RNF212: variants seen among roughly 807,000 people sequenced by gnomAD.
RNF212 encodes probable E3 SUMO-protein ligase RNF212.
RNF212 carries 33 observed loss-of-function variants against 34.7 expected under a neutral mutation model. The ratio of observed to expected loss-of-function variants is 0.95; its 90% CI spans 0.72 to 1.27. The LOEUF (loss-of-function observed/expected upper bound fraction) is 1.27, where lower values mean the gene tolerates loss of function less well. Ranked by LOEUF, RNF212 falls within the 50% of genes most tolerant of loss-of-function variation. The pLI, the probability that RNF212 is intolerant of heterozygous loss-of-function variation, is 0.00. For missense variants in RNF212, 377 were observed against 362.2 expected, an observed-to-expected ratio of 1.04 and a Z score of -0.33; for synonymous variants, 140 against 136.1, an observed-to-expected ratio of 1.03 and a Z score of -0.20.
intron 4 of RNF212, among the ~76,000 whole-genome samples, chr4:1,090,140 C>G (rs1272050075): frequency 8.0e-6 from 1 of 124,520 alleles, no homozygotes; most frequent in African/African-American, 3.2e-5. Context: ...GATGGGGTAC[C>G]AAGATAAGGT....
rs1287577954 is a variant in RNF212 at position 1,096,748 on chromosome 4, C to T, written c.246+17G>A. The stretch of plus-strand genomic sequence containing the variant: ...CCTGGCTCATCACGGAACCAAGCCA[C>T]ACCCCTCACAGCTCACCTGGGAGGT... On this transcript the variant is annotated intron_variant, in intron 3 of 9. Coordinates refer to ENST00000433731, the MANE Select transcript of RNF212 (RefSeq NM_001131034.4). 6.2e-7 allele frequency: 1 copy of T among 1,602,156 alleles called. No homozygotes were observed. The highest frequency in any genetic ancestry group is 1.7e-5 in the Admixed American group (1 of 60,016).
At chr4:1,112,829 T>C (rs1577861038) in intron 1 of RNF212, among the ~76,000 whole-genome samples, 1 of 73,522 alleles carries the variant, frequency 1.4e-5, no homozygotes, top group East Asian at 5.1e-4. Flanking sequence ...CCCCCAAGCC[T>C]TGACCCCCCA....
chr4:1,073,722 G>C, intron 8 of RNF212, 60 bp from the exon 9 acceptor site: 1 of 1,086,772 alleles, frequency 9.2e-7, no homozygotes, highest in Non-Finnish European at 1.4e-6. Context: ...ACGAGATTCG[G>C]ACTCCCACTG....
chr4:1,090,163 T>G (rs1577730533), intron 4 of RNF212, among the ~76,000 whole-genome samples: 8 of 117,394 alleles, frequency 6.8e-5, no homozygotes, highest in South Asian at 2.8e-4. Context: ...CAGGATGGGG[T>G]GAGGGGAGAG....
At position 1,081,631 on chromosome 4, in the gene RNF212, G is replaced by A. The variant is rs747914881; in HGVS notation, c.363-12C>T. 6.3e-7 allele frequency: 1 copy of A among 1,589,176 alleles called. No individual in the cohort carries two copies. Among genetic ancestry groups the A allele is most frequent in the Non-Finnish European group, 8.6e-7 (1 of 1,157,656 alleles). On this transcript the variant is annotated splice_polypyrimidine_tract_variant and intron_variant, in intron 5 of 9. Transcript: ENST00000433731. ...GTGATGATCTCATACTAAATAGATG[G>A]AGAAAAGGTATTGAATTAAATCATA...
intron 8 of RNF212, among the ~76,000 whole-genome samples, chr4:1,077,651 T>C (rs1719540641): frequency 6.6e-6 from 1 of 152,216 alleles, no homozygotes; most frequent in African/African-American, 2.4e-5. Context: ...TTGGAGGCTG[T>C]GAGTTCATCC....
chr4:1,068,505 T>C (rs1212689940), downstream of RNF212, among the ~76,000 whole-genome samples: 3 of 152,270 alleles, frequency 2.0e-5, no homozygotes, highest in Non-Finnish European at 4.4e-5. Context: ...TCTTCCTTTG[T>C]GCTTATTATC....
chr4:1,077,131 G>A (rs559218113), intron 8 of RNF212, among the ~76,000 whole-genome samples: 1 of 152,204 alleles, frequency 6.6e-6, no homozygotes, highest in Non-Finnish European at 1.5e-5. Context: ...GGGAGGCTGA[G>A]GCAGGAGAAT....
chr4:1,066,752 T>A (rs968374457), downstream of RNF212, among the ~76,000 whole-genome samples: 3 of 152,218 alleles, frequency 2.0e-5, no homozygotes, highest in African/African-American at 7.2e-5. Context: ...GCAAGTTGCC[T>A]TTTTACTCTA....
At chr4:1,101,374 T>C (rs930705896) in intron 2 of RNF212, 21 of 194,608 alleles carry the variant, frequency 1.1e-4, no homozygotes, top group African/African-American at 4.9e-4. Context: ...GAACTTTTCT[T>C]CTCTTTCTAA....
At chr4:1,059,536 A>G (rs1717600456) in intron 3 of RNF212, among the ~76,000 whole-genome samples, 1 of 53,788 alleles carries the variant, frequency 1.9e-5, no homozygotes, top group Non-Finnish European at 3.9e-5. Context: ...GCCAACCCCA[A>G]GCCTGGGCGG....
chr4:1,065,442 G>T lies in RNF212; in HGVS notation n.148-7049C>A, dbSNP rs997347346. Among the ~76,000 whole-genome samples the T allele has an allele frequency of 2.5e-4, 38 of 152,302 alleles. 2 individuals carry two copies. The highest frequency in any genetic ancestry group is 1.2e-4 in the Non-Finnish European group (8 of 68,020). On this transcript the variant is annotated intron_variant and non_coding_transcript_variant, in intron 3 of 4. Coordinates refer to the RNF212 transcript ENST00000503206. ...CTGCATCCACAGACTTCAACTATGT[G>T]ATTACTTCTTTGTCCATTCTCCTCT...
intron 4 of RNF212, among the ~76,000 whole-genome samples, chr4:1,090,298 A>G (rs926743918): frequency 6.6e-6 from 1 of 152,090 alleles, no homozygotes; most frequent in Non-Finnish European, 1.5e-5. Flanking sequence ...TGTACACAGA[A>G]TGTTCATGGA....
rs574429035 is a variant in RNF212, at chr4:1,099,822, G to A, written c.172-2983C>T. On this transcript the variant is annotated intron_variant, in intron 2 of 9. Coordinates refer to ENST00000433731, the MANE Select transcript of RNF212 (RefSeq NM_001131034.4). ...AGCAATCGAGTCCACAAGGTCCGAC[G>A]GCGCAAGCGGACACGGGTACCCCTG... The A allele has an allele frequency of 2.8e-5, 13 of 456,234 alleles. No individual in the cohort carries two copies. The East Asian group carries it at 7.6e-4, about 27-fold the overall frequency. The allele number at this position is 456,234 out of a possible 1,614,324, so 28.3% of individuals were successfully genotyped here.
chr4:1,072,759 G>C lies in RNF212; in HGVS notation c.*115C>G, dbSNP rs1050577639. The stretch of plus-strand genomic sequence containing the variant: ...AAATTGGGTAAAAGGTTAATATCCT[G>C]CACACTGAGGGCTTCCACATAAATG... On this transcript the variant is annotated 3_prime_UTR_variant, in exon 10 of 10. Transcript: ENST00000433731. 3 of 1,450,750 alleles carry C rather than the reference G, an allele frequency of 2.1e-6. No individual in the cohort carries two copies. Among genetic ancestry groups the C allele is most frequent in the Non-Finnish European group, 2.7e-6 (3 of 1,103,916 alleles). 89.9% of individuals were successfully genotyped at this position (1,450,750 alleles called of 1,614,324 possible).
At position 1,072,918 on chromosome 4, in the gene RNF212, C is replaced by G. The variant is rs887526332; in HGVS notation, c.850G>C (p.Val284Leu). Residue 284 changes from valine (V) to leucine (L), a missense_variant, in exon 10 of 10, where the codon GTT (valine) becomes CTT (leucine). Val to Leu is a conservative substitution (Grantham distance 32). Coordinates refer to ENST00000433731, the MANE Select transcript of RNF212 (RefSeq NM_001131034.4). Reference sequence around the variant, plus strand: ...TCAAATTGGCAAAGAGGAAACACAACAGACACAGCGGGTGTTCTGAACGTG... The same window carrying G: ...TCAAATTGGCAAAGAGGAAACACAAGAGACACAGCGGGTGTTCTGAACGTG... ...LDTFRTPAVSVVFPLCQFERK... is the reference protein window; with the variant it reads ...LDTFRTPAVSLVFPLCQFERK... The G allele has an allele frequency of 1.2e-6, 2 of 1,613,524 alleles. No individual in the cohort carries two copies. The highest frequency in any genetic ancestry group is 1.7e-6 in the Non-Finnish European group (2 of 1,179,664).
intron 1 of RNF212, among the ~76,000 whole-genome samples, chr4:1,109,196 C>A (rs1725283965): frequency 6.6e-6 from 1 of 152,050 alleles, no homozygotes; most frequent in South Asian, 2.1e-4. Context: ...TTAGTAGAGA[C>A]AGGGTTTTGC....
At position 1,058,442 on chromosome 4, in the gene RNF212, C is replaced by T. The variant is rs77924371; in HGVS notation, n.148-49G>A. On this transcript the variant is annotated intron_variant and non_coding_transcript_variant, in intron 3 of 4. Coordinates refer to the RNF212 transcript ENST00000503206. ...ATGAGTCGTTCATGTTAACACATCACGGTGCTTTGAGGACGACGACCAGGC... is the reference window on the plus strand; with the variant it reads ...ATGAGTCGTTCATGTTAACACATCATGGTGCTTTGAGGACGACGACCAGGC... 6.4e-3 allele frequency: 5,193 copies of T among 814,496 alleles called. 157 individuals are homozygous for T. The East Asian group carries it at 0.096, about 15-fold the overall frequency. 50.5% of individuals were successfully genotyped at this position (814,496 alleles called of 1,614,324 possible). A position where few individuals can be genotyped will look rare whatever the true frequency, so the allele number is the denominator to read the frequency against.
Position 1,096,667 on chromosome 4 carries a change from G to T in RNF212, c.246+98C>A. ...TCCATGGTCTCGGGATAGTGCACCT[G>T]GCTCATCACAGAACCAAGCACACCC... On this transcript the variant is annotated intron_variant, in intron 3 of 9. Coordinates refer to ENST00000433731, the MANE Select transcript of RNF212 (RefSeq NM_001131034.4). 6.6e-6 allele frequency: 5 copies of T among 756,024 alleles called. No homozygotes were observed. The South Asian group carries it at 7.6e-5, about 11-fold the overall frequency. The allele number at this position is 756,024 out of a possible 1,614,324, so 46.8% of individuals were successfully genotyped here.
Sources: gnomAD v4.1 joint callset for allele counts (sites outside exome capture counted in the v4.1 genomes callset) on GRCh38, gnomAD v4.1.1 for gene constraint, MANE v1.5 for transcripts, NCBI Gene and HGNC (gene_info 2026-07-23, HGNC 2026-07-21) for gene names.